SUCLA2: variants seen among roughly 807,000 people sequenced by gnomAD.
The protein encoded by SUCLA2 is succinate-CoA ligase ADP-forming subunit beta.
SUCLA2 carries 30 observed loss-of-function variants against 54.8 expected under a neutral mutation model. The observed-to-expected ratio is 0.55, with a 90% CI of 0.41 to 0.74. The LOEUF (loss-of-function observed/expected upper bound fraction) is 0.74. SUCLA2 is among the 30% of genes least tolerant of loss of function. The probability of loss-of-function intolerance (pLI) is 0.00; values close to 1 mark genes in which losing one functional copy is unlikely to be tolerated. For missense variants in SUCLA2, 476 were observed against 562.9 expected, an observed-to-expected ratio of 0.85 and a Z score of 1.56; for synonymous variants, 172 against 188.9, an observed-to-expected ratio of 0.91 and a Z score of 0.74.
chr13:47,952,020 G>GTAA (rs993026068), intron 8 of SUCLA2, among the ~76,000 whole-genome samples: 1 of 148,558 alleles, frequency 6.7e-6, no homozygotes, highest in African/African-American at 2.5e-5. Context: ...TCCTGGAAGA[G>GTAA]TAATCTCTCC....
chr13:47,996,219 A>C (rs1268590242), intron 2 of SUCLA2, among the ~76,000 whole-genome samples: 1 of 150,872 alleles, frequency 6.6e-6, no homozygotes, highest in Non-Finnish European at 1.5e-5. Flanking sequence ...GGTACTCGGG[A>C]GGCTGAGGCA....
chr13:48,000,705 T>G (rs1297773505), intron 1 of SUCLA2, among the ~76,000 whole-genome samples: 3 of 152,198 alleles, frequency 2.0e-5, no homozygotes, highest in Non-Finnish European at 4.4e-5. Flanking sequence ...CTTCCCTACC[T>G]TGCCCCACAA....
In SUCLA2 at chr13:47,954,460, C is replaced by T. The variant is rs1344893738; in HGVS notation, c.900G>A (p.Arg300=). 4.3e-6 allele frequency: 7 copies of T among 1,613,810 alleles called. No homozygotes were observed. The African/African-American group carries it at 8.0e-5, about 18-fold the overall frequency. The change falls in exon 7 of 11, where the codon AGG becomes AGA. Residue 300 remains arginine, a synonymous_variant. Coordinates refer to ENST00000646932, the MANE Select transcript of SUCLA2 (RefSeq NM_003850.3). Reference sequence around the variant, plus strand: ...GATTTGCCTTAGCAGCATCTTTGTCCCTTTCATCTTCCTGGGTCCAGTCCT... The same window carrying T: ...GATTTGCCTTAGCAGCATCTTTGTCTCTTTCATCTTCCTGGGTCCAGTCCT... The part of the protein sequence containing the change: ...DLQDWTQEDE[R]DKDAAKANLN...
At chr13:47,955,704 TTC>T (rs1949815240) in intron 6 of SUCLA2, among the ~76,000 whole-genome samples, 1 of 152,204 alleles carries the variant, frequency 6.6e-6, no homozygotes, top group African/African-American at 2.4e-5. Context: ...TTTCCTGCCA[TTC>T]TCTCTTATAC....
intron 6 of SUCLA2, among the ~76,000 whole-genome samples, chr13:47,965,067 T>C (rs1024595940): frequency 1.3e-4 from 19 of 149,718 alleles, no homozygotes; most frequent in Admixed American, 5.3e-4. Flanking sequence ...CGTAACAAAA[T>C]AAGGATTAAA....
At chr13:47,968,445 T>C in intron 6 of SUCLA2, 150 bp downstream of exon 6, 1 of 861,994 alleles carries the variant, frequency 1.2e-6, no homozygotes, top group Non-Finnish European at 1.8e-6. Context: ...GGTTTAATAT[T>C]TGTTCATATT....
rs181834734 is a variant in SUCLA2, at chr13:47,955,948, C to A, written c.803-1391G>T. Among the ~76,000 whole-genome samples the A allele has an allele frequency of 2.0e-4, 31 of 152,196 alleles. No individual in the cohort carries two copies. The East Asian group carries it at 5.2e-3, about 26-fold the overall frequency. ...CAGCTAAGTTAAGTACCCTTAATAC[C>A]AAAAGTCAATATTCTTTCAGAGGAA... On this transcript the variant is annotated intron_variant, in intron 6 of 10. Coordinates refer to ENST00000646932, the MANE Select transcript of SUCLA2 (RefSeq NM_003850.3).
intron 1 of SUCLA2, chr13:48,000,765 A>T (rs766242757): frequency 7.6e-6 from 6 of 793,268 alleles, no homozygotes; most frequent in Non-Finnish European, 9.5e-6. Flanking sequence ...CACCTATGAC[A>T]GCTCCCAAGA....
rs7320366 is a variant in SUCLA2, at chr13:47,973,332, A to T, written c.595T>A (p.Ser199Thr). 1,269,517 of 1,612,708 alleles carry T rather than the reference A, an allele frequency of 0.79. 504,455 individuals carry two copies. Among genetic ancestry groups the T allele is most frequent in the Non-Finnish European group, 0.82 (966,644 of 1,179,200 alleles). ...GGTTCTTTAATTATTGCTTCAGGAG[A>T]CTCAGCAGCAACATCTTCAATGTTG... ...GVNIEDVAAE[S>T]PEAIIKEPID... is the part of the protein sequence containing the mutation. The change falls in exon 5 of 11, where the codon TCT (serine) becomes ACT (threonine). Residue 199 changes from serine (S) to threonine (T), a missense_variant. This residue lies in a region of SUCLA2 where 342 missense variants were observed against 444.2 expected (regional missense o/e 0.77). Transcript: ENST00000646932.
intron 4 of SUCLA2, among the ~76,000 whole-genome samples, chr13:47,983,333 T>G (rs1950073571): frequency 6.6e-6 from 1 of 152,176 alleles, no homozygotes; most frequent in Admixed American, 6.6e-5. Flanking sequence ...GAAAAAATTC[T>G]GATTGAAGAA....
At chr13:47,997,585 G>C (rs1374026004) in intron 1 of SUCLA2, among the ~76,000 whole-genome samples, 1 of 152,182 alleles carries the variant, frequency 6.6e-6, no homozygotes, top group African/African-American at 2.4e-5. Flanking sequence ...GGGAGTGCTG[G>C]TTGCTGACAG....
intron 4 of SUCLA2, among the ~76,000 whole-genome samples, chr13:47,979,491 G>T (rs892927319): frequency 6.6e-6 from 1 of 152,114 alleles, no homozygotes; most frequent in Non-Finnish European, 1.5e-5. Flanking sequence ...CTGTCGGGGG[G>T]TGGGGGGCTA....
intron 4 of SUCLA2, among the ~76,000 whole-genome samples, chr13:47,973,941 G>T (rs1431753266): frequency 6.6e-6 from 1 of 152,042 alleles, no homozygotes; most frequent in African/African-American, 2.4e-5. Flanking sequence ...GCCTGTCAGG[G>T]GGCTGGGGCA....
chr13:47,956,363 GAAGAAAAAAA>G (rs1216429590), intron 6 of SUCLA2, among the ~76,000 whole-genome samples: 2 of 150,832 alleles, frequency 1.3e-5, no homozygotes, highest in East Asian at 3.9e-4. Flanking sequence ...CAATCTGCAG[GAAGAAAAAAA>G]AAGAAAAAAG....
At chr13:47,983,511 A>G (rs754120998) in intron 4 of SUCLA2, among the ~76,000 whole-genome samples, 177 of 141,432 alleles carry the variant, frequency 1.3e-3, no homozygotes, top group Non-Finnish European at 1.9e-3. Flanking sequence ...TTTTTTTGAG[A>G]CGGAGTCTCG....
intron 4 of SUCLA2, among the ~76,000 whole-genome samples, chr13:47,981,475 G>C (rs1175382950): frequency 6.6e-6 from 1 of 152,170 alleles, no homozygotes; most frequent in Non-Finnish European, 1.5e-5. Flanking sequence ...TATTGGCGAG[G>C]ATGCAGAAAA....
At chr13:47,999,575 C>T (rs1471196876) in intron 1 of SUCLA2, among the ~76,000 whole-genome samples, 3 of 152,044 alleles carry the variant, frequency 2.0e-5, no homozygotes, top group Non-Finnish European at 4.4e-5. Context: ...GACGTGGTGG[C>T]AGGCGCCTGC....
At chr13:47,955,325 C>G (rs1046276124) in intron 6 of SUCLA2, among the ~76,000 whole-genome samples, 3 of 152,134 alleles carry the variant, frequency 2.0e-5, no homozygotes, top group African/African-American at 7.2e-5. Flanking sequence ...CCTCAGCCTT[C>G]CGAGTAGCTG....
At chr13:48,000,951 G>C (rs900016866) in intron 1 of SUCLA2, 102 of 1,401,344 alleles carry the variant, frequency 7.3e-5, no homozygotes, top group Non-Finnish European at 8.3e-5. Flanking sequence ...AGCCACGGCC[G>C]GGCCGCCGGG....
Sources: gnomAD v4.1 joint callset for allele counts (sites outside exome capture counted in the v4.1 genomes callset) on GRCh38, gnomAD v4.1.1 for gene constraint, gnomAD v4.1.1 regional missense constraint, MANE v1.5 for transcripts, NCBI Gene and HGNC (gene_info 2026-07-23, HGNC 2026-07-21) for gene names.